The following PCDHA2 variants were observed in gnomAD, a reference collection of about 807,000 sequenced individuals.
The protein encoded by PCDHA2 is protocadherin alpha-2.
Under a neutral mutation model 66.0 loss-of-function variants are expected in PCDHA2, and 58 were observed. The ratio of observed to expected loss-of-function variants is 0.88; its 90% CI spans 0.71 to 1.09. The LOEUF (loss-of-function observed/expected upper bound fraction) is 1.09, where lower values mean the gene tolerates loss of function less well. Ranked by LOEUF, PCDHA2 falls within the 50% of genes least tolerant of loss-of-function variation. PCDHA2 has a pLI of 0.00. For synonymous variants in PCDHA2, 634 were observed against 554.0 expected, an observed-to-expected ratio of 1.14 and a Z score of -2.03; for missense variants, 1,267 against 1,242.3, an observed-to-expected ratio of 1.02 and a Z score of -0.30.
At chr5:140,980,713 C>T (rs1034858406) in intron 2 of PCDHA2, among the ~76,000 whole-genome samples, 2 of 151,366 alleles carry the variant, frequency 1.3e-5, no homozygotes, top group Non-Finnish European at 2.9e-5. Flanking sequence ...TGCTCCTATT[C>T]GGGTTTCAAT....
At chr5:140,959,066 G>T (rs913581823) in intron 1 of PCDHA2, among the ~76,000 whole-genome samples, 81 of 152,142 alleles carry the variant, frequency 5.3e-4, no homozygotes, top group African/African-American at 1.9e-3. Flanking sequence ...AGTATATATA[G>T]AATTCAGTAT....
intron 1 of PCDHA2, chr5:140,851,170 A>T: frequency 7.9e-7 from 1 of 1,265,740 alleles, no homozygotes; most frequent in Non-Finnish European, 1.0e-6. Flanking sequence ...ATGCTGCCAT[A>T]ACACTTGAAA....
chr5:140,884,355 T>C, intron 1 of PCDHA2: 1 of 1,613,922 alleles, frequency 6.2e-7, no homozygotes, highest in Admixed American at 1.7e-5. Context: ...CTGGTGGATG[T>C]CAATGTTTAC....
At chr5:141,006,553 G>A (rs1554260809) in intron 3 of PCDHA2, among the ~76,000 whole-genome samples, 1 of 152,168 alleles carries the variant, frequency 6.6e-6, no homozygotes, top group African/African-American at 2.4e-5. Context: ...AAGAAATAAA[G>A]ATGACTCTGG....
rs782119738 is a variant in PCDHA2, at chr5:140,927,224, G to A, written c.2389-51725G>A. ...GACCCGCTGGAGCTGCACAAGATTC[G>A]GATTCACGTCCTGGACACCAATGAC... On this transcript the variant is annotated intron_variant, in intron 1 of 3. Coordinates refer to ENST00000526136, the MANE Select transcript of PCDHA2 (RefSeq NM_018905.3). 3 of 1,614,072 alleles carry A rather than the reference G, an allele frequency of 1.9e-6. No homozygotes were observed. The South Asian group carries it at 3.3e-5, about 18-fold the overall frequency.
At chr5:140,895,072 A>G (rs974661383) in intron 1 of PCDHA2, among the ~76,000 whole-genome samples, 1 of 152,090 alleles carries the variant, frequency 6.6e-6, no homozygotes, top group Admixed American at 6.5e-5. Flanking sequence ...CTCAATTCCT[A>G]TCAGTTCCTC....
At chr5:140,905,182 A>C (rs1283931938) in intron 1 of PCDHA2, among the ~76,000 whole-genome samples, 1 of 152,172 alleles carries the variant, frequency 6.6e-6, no homozygotes. Context: ...TTTAGATTTA[A>C]GTCTTTGATC....
At chr5:140,924,992 G>T (rs1383717650) in intron 1 of PCDHA2, among the ~76,000 whole-genome samples, 3 of 151,676 alleles carry the variant, frequency 2.0e-5, no homozygotes, top group African/African-American at 7.3e-5. Context: ...TGTAATCCTA[G>T]CACTTTAGGA....
rs185971380 is a variant in PCDHA2, at chr5:140,858,398, G to C, written c.2388+61046G>C. The C allele has an allele frequency of 3.8e-6, 6 of 1,574,020 alleles. No homozygotes were observed. Among genetic ancestry groups the C allele is most frequent in the South Asian group, 2.3e-5 (2 of 88,596 alleles). ...ACCATGCCCAATGGTAGATGTGGACGGGGAAGATCAGTCTATTGGAGGGGA... is the reference window on the plus strand; with the variant it reads ...ACCATGCCCAATGGTAGATGTGGACCGGGAAGATCAGTCTATTGGAGGGGA... On this transcript the variant is annotated intron_variant, in intron 1 of 3. Coordinates refer to ENST00000526136, the MANE Select transcript of PCDHA2 (RefSeq NM_018905.3).
At chr5:140,860,793 A>G (rs1012928413) in intron 1 of PCDHA2, 3 of 152,166 alleles carry the variant, frequency 2.0e-5, no homozygotes, top group Non-Finnish European at 4.4e-5. Context: ...GCTGGAGTGC[A>G]GTGGCACGAT....
At chr5:140,917,498 G>A (rs1303014069) in intron 1 of PCDHA2, among the ~76,000 whole-genome samples, 2 of 152,204 alleles carry the variant, frequency 1.3e-5, no homozygotes, top group African/African-American at 4.8e-5. Context: ...TGCCCAGAAT[G>A]ATATTTTCTA....
rs1393449326 is a variant in PCDHA2, at chr5:140,836,217, C to A, written c.2388+38865C>A. On this transcript the variant is annotated intron_variant, in intron 1 of 3. Transcript: ENST00000526136. ...CAACGCGTGGCTTTCGTATGAGTTG[C>A]AACCGGTGGCGGCCGGTGCGAGCAT... The A allele has an allele frequency of 1.2e-6, 2 of 1,613,820 alleles. 1 individual carries two copies. The highest frequency in any genetic ancestry group is 2.7e-5 in the African/African-American group (2 of 74,978).
intron 1 of PCDHA2, among the ~76,000 whole-genome samples, chr5:140,972,288 C>T (rs1263314074): frequency 2.0e-5 from 3 of 150,942 alleles, no homozygotes; most frequent in African/African-American, 4.9e-5. Context: ...CATAGATGTG[C>T]GCCACCGTGT....
chr5:140,797,962 C>T (rs1762283254), intron 1 of PCDHA2, among the ~76,000 whole-genome samples: 1 of 152,142 alleles, frequency 6.6e-6, no homozygotes, highest in South Asian at 2.1e-4. Context: ...AAGTGATTGT[C>T]TTGCCTCAGC....
intron 1 of PCDHA2, among the ~76,000 whole-genome samples, chr5:140,974,870 A>G (rs781837180): frequency 9.9e-5 from 15 of 152,182 alleles, no homozygotes; most frequent in African/African-American, 1.4e-4. Context: ...AATGCGGAAC[A>G]GTCTATGTAT....
At chr5:140,801,156 G>T in intron 1 of PCDHA2, 1 of 1,534,348 alleles carries the variant, frequency 6.5e-7, no homozygotes, top group Non-Finnish European at 8.7e-7. Flanking sequence ...TTTAAACTTT[G>T]GATCAATGTA....
intron 1 of PCDHA2, chr5:140,876,573 C>G: frequency 1.9e-6 from 3 of 1,614,152 alleles, no homozygotes; most frequent in African/African-American, 1.3e-5. Flanking sequence ...AGGTGGGTAC[C>G]GTCATTGCCC....
intron 1 of PCDHA2, chr5:140,834,791 A>G: frequency 6.2e-7 from 1 of 1,613,714 alleles, no homozygotes; most frequent in Non-Finnish European, 8.5e-7. Context: ...TCCCAGCGAC[A>G]CAAAGGAATC....
At chr5:140,830,256 G>C (rs1770932829) in intron 1 of PCDHA2, 1 of 1,613,562 alleles carries the variant, frequency 6.2e-7, no homozygotes, top group African/African-American at 1.3e-5. Flanking sequence ...ACAGCGCTGC[G>C]GTGCTCGGCG....
Sources: gnomAD v4.1 joint callset for allele counts (sites outside exome capture counted in the v4.1 genomes callset) on GRCh38, gnomAD v4.1.1 for gene constraint, MANE v1.5 for transcripts, NCBI Gene and HGNC (gene_info 2026-07-23, HGNC 2026-07-21) for gene names.